TRIM2: variants seen among roughly 807,000 people sequenced by gnomAD.
The protein encoded by TRIM2 is tripartite motif containing 2.
Under a neutral mutation model 75.2 loss-of-function variants are expected in TRIM2, and 20 were observed. The ratio of observed to expected loss-of-function variants is 0.27; its 90% confidence interval spans 0.19 to 0.39. The LOEUF is 0.39. Ranked by LOEUF, TRIM2 falls within the 10% of genes least tolerant of loss-of-function variation. The pLI is 1.00. For missense variants in TRIM2, 660 were observed against 990.8 expected, an observed-to-expected ratio of 0.67 and a Z score of 4.48; for synonymous variants, 373 against 388.3, an observed-to-expected ratio of 0.96 and a Z score of 0.46.
chr4:153,281,167 G>A (rs1035083499), intron 3 of TRIM2, among the ~76,000 whole-genome samples: 2 of 152,164 alleles, frequency 1.3e-5, no homozygotes, highest in Non-Finnish European at 2.9e-5. Flanking sequence ...TTTTTTAAAA[G>A]GTAGTAACCA....
intron 1 of TRIM2, among the ~76,000 whole-genome samples, chr4:153,224,582 C>T (rs1741617816): frequency 6.6e-6 from 1 of 152,204 alleles, no homozygotes; most frequent in African/African-American, 2.4e-5. Context: ...GATACCATCA[C>T]TGACAAGGTT....
intron 6 of TRIM2, among the ~76,000 whole-genome samples, chr4:153,298,687 A>T (rs143324924): frequency 3.8e-4 from 58 of 152,280 alleles, no homozygotes; most frequent in African/African-American, 1.3e-3. Context: ...TTTTATAGAG[A>T]ACACTTACAA....
intron 1 of TRIM2, among the ~76,000 whole-genome samples, chr4:153,178,653 A>C (rs183757167): frequency 6.6e-6 from 1 of 152,272 alleles, no homozygotes; most frequent in East Asian, 1.9e-4. Flanking sequence ...CTGGTCAAAA[A>C]AATTTGAGAC....
chr4:153,228,731 GCCC>G (rs1176229468), intron 1 of TRIM2, among the ~76,000 whole-genome samples: 1 of 152,232 alleles, frequency 6.6e-6, no homozygotes, highest in Non-Finnish European at 1.5e-5. Context: ...GTTCTCTTTT[GCCC>G]CAGGTCACGC....
intron 3 of TRIM2, among the ~76,000 whole-genome samples, chr4:153,288,811 C>T (rs1299791766): frequency 1.3e-5 from 2 of 150,712 alleles, no homozygotes. Context: ...ACTGTATAAT[C>T]TCAATAGGCC....
Position 153,280,716 on chromosome 4 carries a change from G to A in TRIM2, c.453+4586G>A, listed in dbSNP as rs140598937. On this transcript the variant is annotated intron_variant, in intron 3 of 11. Transcript: ENST00000338700. ...CTTTTTTTTTTTGAGACGGAGTCTC[G>A]CTCTGTTGCCCAGGCTGGAGTGCAG... Among the ~76,000 whole-genome samples, 1,495 of 150,190 alleles carry A rather than the reference G, an allele frequency of 1.0e-2. 25 individuals are homozygous for A. The highest frequency in any genetic ancestry group is 0.034 in the African/African-American group (1,375 of 40,468).
intron 3 of TRIM2, among the ~76,000 whole-genome samples, chr4:153,283,429 C>A (rs1023062578): frequency 2.0e-5 from 3 of 152,114 alleles, no homozygotes; most frequent in African/African-American, 7.2e-5. Context: ...TATAGATATA[C>A]CACAATTTAT....
chr4:153,177,319 G>A (rs1453489968), intron 1 of TRIM2, among the ~76,000 whole-genome samples: 4 of 152,172 alleles, frequency 2.6e-5, no homozygotes, highest in African/African-American at 9.7e-5. Context: ...ACAGCAACCA[G>A]GAAATGAAGT....
intron 2 of TRIM2, among the ~76,000 whole-genome samples, chr4:153,271,433 C>T (rs1756645396): frequency 6.6e-6 from 1 of 152,064 alleles, no homozygotes; most frequent in Non-Finnish European, 1.5e-5. Flanking sequence ...TCTGATTGAC[C>T]ATTTTTTGAG....
At chr4:153,157,570 C>T (rs191310960) in intron 1 of TRIM2, among the ~76,000 whole-genome samples, 4 of 152,154 alleles carry the variant, frequency 2.6e-5, no homozygotes, top group African/African-American at 9.7e-5. Context: ...ACCATAGGCT[C>T]GGGCTGAGAT....
intron 3 of TRIM2, among the ~76,000 whole-genome samples, chr4:153,283,846 C>T (rs905975674): frequency 1.2e-4 from 18 of 145,102 alleles, no homozygotes; most frequent in African/African-American, 4.7e-4. Flanking sequence ...TCATCTTGGC[C>T]AGGATGGCCT....
intron 6 of TRIM2, among the ~76,000 whole-genome samples, chr4:153,312,080 A>C (rs1297591286): frequency 3.9e-5 from 4 of 103,204 alleles, no homozygotes; most frequent in Non-Finnish European, 6.0e-5. Context: ...CCACCCCACA[A>C]CAGTCCCCAG....
At chr4:153,311,575 C>A (rs1055314986) in intron 6 of TRIM2, among the ~76,000 whole-genome samples, 1 of 151,918 alleles carries the variant, frequency 6.6e-6, no homozygotes, top group African/African-American at 2.4e-5. Flanking sequence ...TCCTTGTATG[C>A]CCTCTAAGCC....
chr4:153,226,783 A>G (rs1742242135), intron 1 of TRIM2, among the ~76,000 whole-genome samples: 2 of 152,206 alleles, frequency 1.3e-5, no homozygotes. Flanking sequence ...AGACTCCTGA[A>G]AAGAGAGATC....
chr4:153,299,696 G>A (rs1427044974), intron 6 of TRIM2, among the ~76,000 whole-genome samples: 3 of 152,100 alleles, frequency 2.0e-5, no homozygotes, highest in Non-Finnish European at 4.4e-5. Context: ...CTGGTCACCT[G>A]CTCTGTCCTG....
At chr4:153,232,629 G>A (rs1423056249) in intron 1 of TRIM2, among the ~76,000 whole-genome samples, 1 of 152,176 alleles carries the variant, frequency 6.6e-6, no homozygotes, top group Non-Finnish European at 1.5e-5. Flanking sequence ...AAGGAAGGGA[G>A]GGAACTAGAG....
upstream of TRIM2, among the ~76,000 whole-genome samples, chr4:153,203,007 A>T (rs1423049052): frequency 6.7e-6 from 1 of 149,144 alleles, no homozygotes; most frequent in African/African-American, 2.5e-5. Flanking sequence ...CAGGAGCCTG[A>T]GGCACAAGAA....
At chr4:153,180,290 A>T (rs1041434912) in intron 1 of TRIM2, among the ~76,000 whole-genome samples, 1 of 152,206 alleles carries the variant, frequency 6.6e-6, no homozygotes, top group Non-Finnish European at 1.5e-5. Flanking sequence ...CACATTTCAC[A>T]TGCTGTCTCA....
At chr4:153,257,351 C>T in intron 1 of TRIM2, 2 of 1,069,822 alleles carry the variant, frequency 1.9e-6, no homozygotes, top group Non-Finnish European at 2.3e-6. Context: ...ATCCCTATCC[C>T]ATAATCCCTT....
Sources: allele counts gnomAD v4.1 joint callset (sites outside exome capture counted in the v4.1 genomes callset), GRCh38; gene constraint gnomAD v4.1.1; transcripts MANE v1.5; gene names NCBI Gene and HGNC (gene_info 2026-07-23, HGNC 2026-07-21).